PCDHGB1: variants seen among roughly 807,000 people sequenced by gnomAD.
PCDHGB1 encodes protocadherin gamma-B1.
In PCDHGB1, 34 loss-of-function variants were observed where a neutral mutation model predicts 56.6. The observed-to-expected ratio is 0.60, with a 90% CI of 0.46 to 0.80. The LOEUF (loss-of-function observed/expected upper bound fraction) is 0.80. PCDHGB1 is among the 30% of genes least tolerant of loss of function. The probability of loss-of-function intolerance (pLI) is 0.00; values close to 1 mark genes in which losing one functional copy is unlikely to be tolerated. For synonymous variants in PCDHGB1, 561 were observed against 505.9 expected, an observed-to-expected ratio of 1.11 and a Z score of -1.46; for missense variants, 1,278 against 1,204.6, an observed-to-expected ratio of 1.06 and a Z score of -0.90.
In PCDHGB1 at chr5:141,375,693, G is replaced by C. The variant is rs112671050; in HGVS notation, c.2409+23024G>C. 1,209 of 1,614,256 alleles carry C rather than the reference G, an allele frequency of 7.5e-4. 14 individuals carry two copies. In the African/African-American group the frequency reaches 0.015, roughly 20 times the overall value. On this transcript the variant is annotated intron_variant, in intron 1 of 3. Coordinates refer to ENST00000523390, the MANE Select transcript of PCDHGB1 (RefSeq NM_018922.3). ...CAGCTGTGGGTGACAGCCAGCGACA[G>C]CGGGGACCCGCCTCTTAGCAGCAAC... is the stretch of plus-strand genomic sequence containing the variant.
intron 1 of PCDHGB1, chr5:141,365,899 G>A (rs747004585): frequency 6.2e-7 from 1 of 1,614,198 alleles, no homozygotes; most frequent in Non-Finnish European, 8.5e-7. Context: ...TCGACTATGA[G>A]CAGTTGAGAG....
At chr5:141,405,488 C>T (rs781076927) in intron 1 of PCDHGB1, 5 of 895,936 alleles carry the variant, frequency 5.6e-6, no homozygotes, top group Middle Eastern at 2.9e-4. Context: ...GGTGTGATCT[C>T]GGCTCATTGC....
At chr5:141,375,695 G>C (rs540188136) in intron 1 of PCDHGB1, 1 of 1,614,250 alleles carries the variant, frequency 6.2e-7, no homozygotes, top group South Asian at 1.1e-5. Context: ...CAGCGACAGC[G>C]GGGACCCGCC....
At chr5:141,397,467 G>A (rs1052329651) in intron 1 of PCDHGB1, among the ~76,000 whole-genome samples, 1 of 152,176 alleles carries the variant, frequency 6.6e-6, no homozygotes, top group East Asian at 1.9e-4. Flanking sequence ...ATATTGGGGA[G>A]TTGGAAATCA....
rs201073884 is a variant in PCDHGB1 at position 141,486,264 on chromosome 5, A to C, written c.2410-8543A>C. On this transcript the variant is annotated intron_variant, in intron 1 of 3. Coordinates refer to ENST00000523390, the MANE Select transcript of PCDHGB1 (RefSeq NM_018922.3). This position sits in a 1 kb window ranked among gnomAD's most constrained non-coding sequence, Gnocchi z 5.0. The stretch of plus-strand genomic sequence containing the variant: ...CTTGGAACCCTCCCCGAGAGTGCAG[A>C]ACCTGGCACTGTGGTGGCACTTATC... 8 of 1,614,032 alleles carry C rather than the reference A, an allele frequency of 5.0e-6. No individual in the cohort carries two copies. The East Asian group carries it at 1.6e-4, about 31-fold the overall frequency.
At chr5:141,443,615 C>T (rs1430581477) in intron 1 of PCDHGB1, among the ~76,000 whole-genome samples, 3 of 152,198 alleles carry the variant, frequency 2.0e-5, no homozygotes, top group Non-Finnish European at 4.4e-5. Flanking sequence ...TTCTTATAAT[C>T]AGGTGATTGT....
chr5:141,355,989 C>T lies in PCDHGB1; in HGVS notation c.2409+3320C>T, dbSNP rs539292307. ...TTCCTGTAGGCACTCGGCTACTCAC[C>T]GTAAAAGCCACTGATCCAGATGAAG... is the stretch of plus-strand genomic sequence containing the variant. On this transcript the variant is annotated intron_variant, in intron 1 of 3. Coordinates refer to ENST00000523390, the MANE Select transcript of PCDHGB1 (RefSeq NM_018922.3). 7 of 1,613,804 alleles carry T rather than the reference C, an allele frequency of 4.3e-6. No homozygotes were observed. The South Asian group carries it at 7.7e-5, about 18-fold the overall frequency.
At position 141,487,235 on chromosome 5, in the gene PCDHGB1, C is replaced by A. The variant is rs752316565; in HGVS notation, c.2410-7572C>A. ...TTCAGCTCCAAGGGAAGGAGAATCT[C>A]GTCTAACCCTCTACTTGGCTGTGTC... On this transcript the variant is annotated intron_variant, in intron 1 of 3. Coordinates refer to ENST00000523390, the MANE Select transcript of PCDHGB1 (RefSeq NM_018922.3). This position sits in a 1 kb window ranked among gnomAD's most constrained non-coding sequence, Gnocchi z 5.0. 11 of 1,614,126 alleles carry A rather than the reference C, an allele frequency of 6.8e-6. No homozygotes were observed. The highest frequency in any genetic ancestry group is 7.6e-6 in the Non-Finnish European group (9 of 1,179,994).
rs769514553 is a variant in PCDHGB1, at chr5:141,490,072, G to T, written c.2410-4735G>T. On this transcript the variant is annotated intron_variant, in intron 1 of 3. Transcript: ENST00000523390. The surrounding 1 kb of genome is among the most constrained non-coding windows in gnomAD (Gnocchi z 5.4). Reference sequence around the variant, plus strand: ...AGACGAGGGCACCAACGGCCAACTAGACTATTCTTTTGGAGACCACACATC... The same window carrying T: ...AGACGAGGGCACCAACGGCCAACTATACTATTCTTTTGGAGACCACACATC... 2 of 1,614,254 alleles carry T rather than the reference G, an allele frequency of 1.2e-6. No homozygotes were observed. Among genetic ancestry groups the T allele is most frequent in the South Asian group, 2.2e-5 (2 of 91,090 alleles).
At chr5:141,388,340 T>C in intron 1 of PCDHGB1, 1 of 1,613,994 alleles carries the variant, frequency 6.2e-7, no homozygotes, top group South Asian at 1.1e-5. Context: ...GCACACGATT[T>C]ATATTAGGAT....
At position 141,491,514 on chromosome 5, in the gene PCDHGB1, G is replaced by A. The variant is rs753335815; in HGVS notation, c.2410-3293G>A. ...AGGTGAGCTCGGACGGCACGCTCAAGTACATGGAGGTGACGCTGCGGCCCA... is the reference window on the plus strand; with the variant it reads ...AGGTGAGCTCGGACGGCACGCTCAAATACATGGAGGTGACGCTGCGGCCCA... On this transcript the variant is annotated intron_variant, in intron 1 of 3. Coordinates refer to ENST00000523390, the MANE Select transcript of PCDHGB1 (RefSeq NM_018922.3). The surrounding 1 kb of genome is among the most constrained non-coding windows in gnomAD (Gnocchi z 6.9). 2 of 1,613,964 alleles carry A rather than the reference G, an allele frequency of 1.2e-6. No individual in the cohort carries two copies. Among genetic ancestry groups the A allele is most frequent in the East Asian group, 2.2e-5 (1 of 44,892 alleles).
intron 1 of PCDHGB1, chr5:141,382,754 G>A: frequency 1.6e-6 from 1 of 636,380 alleles, no homozygotes; most frequent in East Asian, 2.7e-5. Context: ...ATTGCGATAA[G>A]CCCTCTTCCA....
At chr5:141,404,684 G>GT in intron 1 of PCDHGB1, 1 of 1,614,104 alleles carries the variant, frequency 6.2e-7, no homozygotes, top group Non-Finnish European at 8.5e-7. Flanking sequence ...TGTGGAGCTG[G>GT]CACCCCGCTC....
intron 1 of PCDHGB1, chr5:141,399,416 C>T: frequency 6.2e-7 from 1 of 1,614,046 alleles, no homozygotes; most frequent in African/African-American, 1.3e-5. Context: ...CCCCTCTCCT[C>T]CAGCATAAGC....
Position 141,490,282 on chromosome 5 carries a change from C to T in PCDHGB1, c.2410-4525C>T, listed in dbSNP as rs763429413. 1.2e-6 allele frequency: 2 copies of T among 1,614,194 alleles called. No individual in the cohort carries two copies. The highest frequency in any genetic ancestry group is 1.7e-6 in the Non-Finnish European group (2 of 1,180,036). ...TGTGGGGGATGTCAATGACAATGCC[C>T]CAGAGGTGCTATTGGCCTCTTTGGC... On this transcript the variant is annotated intron_variant, in intron 1 of 3. Transcript: ENST00000523390. This position sits in a 1 kb window ranked among gnomAD's most constrained non-coding sequence, Gnocchi z 5.4.
chr5:141,390,144 G>A, intron 1 of PCDHGB1: 1 of 1,614,036 alleles, frequency 6.2e-7, no homozygotes, highest in South Asian at 1.1e-5. Context: ...CAATCTATGT[G>A]TTGCACATAC....
intron 1 of PCDHGB1, chr5:141,370,780 AC>A: frequency 6.2e-7 from 1 of 1,613,990 alleles, no homozygotes; most frequent in Non-Finnish European, 8.5e-7. Context: ...ATTAACGACA[AC>A]CCACCGACCT....
intron 1 of PCDHGB1, among the ~76,000 whole-genome samples, chr5:141,469,852 C>T (rs529924249): frequency 1.3e-4 from 20 of 152,054 alleles, no homozygotes; most frequent in African/African-American, 4.8e-4. Flanking sequence ...AGATTCAGAC[C>T]GGGTGCAATG....
chr5:141,367,803 T>C (rs760615921), intron 1 of PCDHGB1: 4 of 152,152 alleles, frequency 2.6e-5, no homozygotes, highest in African/African-American at 7.2e-5. Flanking sequence ...TCTTCTGTTA[T>C]AGATAAACCC....
Sources: allele counts gnomAD v4.1 joint callset (sites outside exome capture counted in the v4.1 genomes callset), GRCh38; gene constraint gnomAD v4.1.1; non-coding constraint Gnocchi (gnomAD v3.1); transcripts MANE v1.5; gene names NCBI Gene and HGNC (gene_info 2026-07-23, HGNC 2026-07-21).